Variants in CPT1A observed in about 807,000 individuals in gnomAD.
The protein encoded by CPT1A is carnitine O-palmitoyltransferase 1, liver isoform.
Under a neutral mutation model 100.8 loss-of-function variants are expected in CPT1A, and 64 were observed. The ratio of observed to expected loss-of-function variants is 0.63; its 90% CI spans 0.52 to 0.78. The LOEUF is 0.78. CPT1A is among the 30% of genes least tolerant of loss of function. The pLI is 0.00. For missense variants in CPT1A, 802 were observed against 1,034.1 expected (o/e 0.78, Z 3.08); for synonymous variants, 363 against 396.0 (o/e 0.92, Z 0.99).
intron 14 of CPT1A, among the ~76,000 whole-genome samples, chr11:68,770,059 C>CA (rs11423981): frequency 0.89 from 129,558 of 145,480 alleles, 57,929 homozygotes; most frequent in Non-Finnish European, 0.93. Context: ...GGCTCCGTCT[C>CA]AAAAAAAAAA....
In CPT1A at chr11:68,781,766, G is replaced by T. The variant is rs780953492; in HGVS notation, c.1352+5C>A. The T allele has an allele frequency of 6.2e-7, 1 of 1,614,056 alleles. No individual in the cohort carries two copies. Among genetic ancestry groups the T allele is most frequent in the Admixed American group, 1.7e-5 (1 of 60,008 alleles). ...CTCCTGTCTCTCAGAAGGTAAGGAC[G>T]GTACCTGTCGTAACATCGGCCGTGT... is the stretch of plus-strand genomic sequence containing the variant. On this transcript the variant is annotated splice_donor_5th_base_variant and intron_variant, in intron 11 of 18. Coordinates refer to ENST00000265641, the MANE Select transcript of CPT1A (RefSeq NM_001876.4).
chr11:68,842,074 G>C, upstream of CPT1A: 1 of 610,688 alleles, frequency 1.6e-6, no homozygotes, highest in Non-Finnish European at 2.1e-6. Flanking sequence ...CTGCCGGAAT[G>C]GGGTCTAGGA....
chr11:68,815,110 C>CT (rs879920429), intron 2 of CPT1A, among the ~76,000 whole-genome samples: 11 of 152,262 alleles, frequency 7.2e-5, no homozygotes, highest in Admixed American at 2.6e-4. Flanking sequence ...ATTTCCCAGC[C>CT]TGCTTTAACG....
chr11:68,786,197 AC>A (rs1855458963), intron 9 of CPT1A, among the ~76,000 whole-genome samples: 1 of 152,200 alleles, frequency 6.6e-6, no homozygotes, highest in African/African-American at 2.4e-5. Flanking sequence ...CCCTATCTCT[AC>A]AAAAAATACA....
At chr11:68,807,381 C>T (rs1006200589) in intron 4 of CPT1A, 86 bp downstream of exon 4, 4 of 1,356,608 alleles carry the variant, frequency 2.9e-6, no homozygotes, top group African/African-American at 2.9e-5. Context: ...GAGAAAAGGT[C>T]GCAGGGGTGT....
chr11:68,760,700 A>G (rs2375867), intron 16 of CPT1A, among the ~76,000 whole-genome samples: 152,244 of 152,350 alleles, frequency 1, 76,069 homozygotes, highest in Non-Finnish European at 1. Context: ...CAAGCTGGCT[A>G]TTAAATACAG....
At chr11:68,828,820 G>C (rs922404621) in intron 1 of CPT1A, among the ~76,000 whole-genome samples, 2 of 152,176 alleles carry the variant, frequency 1.3e-5, no homozygotes, top group African/African-American at 4.8e-5. Flanking sequence ...GTCTCTGTGG[G>C]CCAGCCCCAC....
intron 1 of CPT1A, among the ~76,000 whole-genome samples, chr11:68,822,078 C>T (rs1856599770): frequency 6.6e-6 from 1 of 152,160 alleles, no homozygotes; most frequent in Non-Finnish European, 1.5e-5. Context: ...TCCTCAAAAG[C>T]TTAAATACAG....
At chr11:68,767,055 A>C (rs1197906610) in intron 14 of CPT1A, among the ~76,000 whole-genome samples, 1 of 152,228 alleles carries the variant, frequency 6.6e-6, no homozygotes, top group Non-Finnish European at 1.5e-5. Context: ...CCGTGCCCAG[A>C]ACGCTTCACT....
intron 1 of CPT1A, among the ~76,000 whole-genome samples, chr11:68,817,934 C>A (rs1856478766): frequency 6.6e-6 from 1 of 151,782 alleles, no homozygotes; most frequent in Admixed American, 6.6e-5. Context: ...GGACAGGGGG[C>A]CTAGTTTGGA....
intron 1 of CPT1A, among the ~76,000 whole-genome samples, chr11:68,833,196 G>C (rs550134248): frequency 1.3e-5 from 2 of 152,318 alleles, no homozygotes; most frequent in South Asian, 2.1e-4. Context: ...TACCAGGAAG[G>C]CTCTGGAAGG....
chr11:68,761,242 G>C (rs1946803547), intron 16 of CPT1A, among the ~76,000 whole-genome samples: 1 of 148,938 alleles, frequency 6.7e-6, no homozygotes. Context: ...AACAAAGGTG[G>C]TACGCGCTCA....
intron 1 of CPT1A, among the ~76,000 whole-genome samples, chr11:68,817,552 G>A (rs577310365): frequency 6.6e-6 from 1 of 152,232 alleles, no homozygotes; most frequent in South Asian, 2.1e-4. Flanking sequence ...GGACCTCTCA[G>A]GAGACAGGGA....
intron 10 of CPT1A, among the ~76,000 whole-genome samples, chr11:68,782,627 C>T (rs1855344546): frequency 2.0e-5 from 3 of 152,182 alleles, no homozygotes; most frequent in Non-Finnish European, 4.4e-5. Context: ...GAAGACCCAC[C>T]AGCTGGGCTT....
intron 9 of CPT1A, among the ~76,000 whole-genome samples, chr11:68,789,450 G>A (rs1470130782): frequency 6.6e-6 from 1 of 151,806 alleles, no homozygotes; most frequent in East Asian, 1.9e-4. Context: ...AGGCTGGAGT[G>A]CAGTGGTGCG....
intron 3 of CPT1A, 66 bp from the exon 4 acceptor site, chr11:68,807,704 G>A: frequency 1.3e-6 from 2 of 1,526,890 alleles, no homozygotes; most frequent in Non-Finnish European, 1.8e-6. Flanking sequence ...AACACCACCG[G>A]TGACGCCACA....
chr11:68,773,206 G>C, intron 14 of CPT1A, 59 bp downstream of exon 14: 1 of 1,608,774 alleles, frequency 6.2e-7, no homozygotes, highest in South Asian at 1.1e-5. Flanking sequence ...GAACAGTCTT[G>C]GGCAGGTGTA....
intron 1 of CPT1A, among the ~76,000 whole-genome samples, chr11:68,830,530 A>G (rs989794868): frequency 3.3e-5 from 5 of 152,222 alleles, no homozygotes; most frequent in Admixed American, 6.5e-5. Context: ...ACAGAGATGC[A>G]GAATAAGAGG....
In CPT1A at chr11:68,772,221, C is replaced by T. The variant is rs549372330; in HGVS notation, c.1740+1044G>A. ...ACAAAAAATTAGCTGGGCATGGGGG[C>T]GCACACCTGTAATCCCAGCTACTCG... On this transcript the variant is annotated intron_variant, in intron 14 of 18. Coordinates refer to ENST00000265641, the MANE Select transcript of CPT1A (RefSeq NM_001876.4). Among the ~76,000 whole-genome samples the T allele has an allele frequency of 7.2e-5, 11 of 152,200 alleles. No homozygotes were observed. The East Asian group carries it at 1.9e-3, about 27-fold the overall frequency.
Sources: allele counts gnomAD v4.1 joint callset (sites outside exome capture counted in the v4.1 genomes callset), GRCh38; gene constraint gnomAD v4.1.1; transcripts MANE v1.5; gene names NCBI Gene and HGNC (gene_info 2026-07-23, HGNC 2026-07-21).